ASIC2: variants seen among roughly 807,000 people sequenced by gnomAD.
ASIC2 encodes acid-sensing ion channel 2.
Under a neutral mutation model 57.3 loss-of-function variants are expected in ASIC2, and 25 were observed. That is an observed-to-expected ratio of 0.44 (90% CI 0.32 to 0.61). The LOEUF (loss-of-function observed/expected upper bound fraction) is 0.61, where lower values mean the gene tolerates loss of function less well. Among genes scored for constraint, ASIC2 ranks in the 20% least tolerant of loss-of-function variants. The pLI, the probability that ASIC2 is intolerant of heterozygous loss-of-function variation, is 0.06. For missense variants in ASIC2, 641 were observed against 738.1 expected (o/e 0.87, Z 1.52); for synonymous variants, 319 against 307.5 (o/e 1.04, Z -0.39).
intron 1 of ASIC2, among the ~76,000 whole-genome samples, chr17:33,175,924 G>C (rs548055502): frequency 6.6e-6 from 1 of 152,236 alleles, no homozygotes; most frequent in African/African-American, 2.4e-5. Context: ...ACTGTTCTCT[G>C]TGAAAAGCCT....
intron 1 of ASIC2, among the ~76,000 whole-genome samples, chr17:34,096,235 C>T (rs372561642): frequency 4.6e-5 from 7 of 152,092 alleles, no homozygotes; most frequent in South Asian, 2.1e-4. Context: ...ATTTCTAAGC[C>T]GTAACTTGAA....
At chr17:34,083,730 G>A (rs1258825295) in intron 1 of ASIC2, among the ~76,000 whole-genome samples, 1 of 152,230 alleles carries the variant, frequency 6.6e-6, no homozygotes, top group Non-Finnish European at 1.5e-5. Flanking sequence ...GGTGTAAGAT[G>A]ATATCCCATT....
chr17:34,080,970 C>G (rs1909856426), intron 1 of ASIC2: 2 of 152,174 alleles, frequency 1.3e-5, no homozygotes, highest in African/African-American at 4.8e-5. Context: ...AGTGAAGACT[C>G]CCTTCTTCTA....
intron 1 of ASIC2, among the ~76,000 whole-genome samples, chr17:33,827,337 C>CTTTTTTTATTTTTTTTTTTTTTTTTT (rs1912954820): frequency 1.3e-5 from 1 of 76,536 alleles, no homozygotes; most frequent in Non-Finnish European, 2.6e-5. Flanking sequence ...GCAGCTCACT[C>CTTTTTTTATTTTTTTTTTTTTTTTTT]TTTTTTTTTT....
At chr17:33,077,335 C>T (rs201948679) in intron 3 of ASIC2, among the ~76,000 whole-genome samples, 6 of 152,104 alleles carry the variant, frequency 3.9e-5, no homozygotes, top group East Asian at 1.9e-4. Context: ...GGGTTTGGAG[C>T]AATTGATGAA....
intron 1 of ASIC2, among the ~76,000 whole-genome samples, chr17:33,985,589 G>A (rs916072393): frequency 6.6e-6 from 1 of 152,200 alleles, no homozygotes. Context: ...TAAGTTTAAC[G>A]AGTATCTGAA....
chr17:34,030,825 C>T (rs1414388732), intron 1 of ASIC2, among the ~76,000 whole-genome samples: 1 of 152,206 alleles, frequency 6.6e-6, no homozygotes, highest in Non-Finnish European at 1.5e-5. Context: ...CCCGCAATTG[C>T]CCAGTTAGTT....
At chr17:33,016,717 C>G (rs1294845130) in intron 8 of ASIC2, among the ~76,000 whole-genome samples, 1 of 152,094 alleles carries the variant, frequency 6.6e-6, no homozygotes, top group Non-Finnish European at 1.5e-5. Flanking sequence ...TGGTCATGAA[C>G]AGCCCCCTCC....
chr17:34,007,977 C>T (rs1040424066), intron 1 of ASIC2, among the ~76,000 whole-genome samples: 1 of 152,198 alleles, frequency 6.6e-6, no homozygotes, highest in African/African-American at 2.4e-5. Context: ...ATTTTTCAAT[C>T]ACTCAGTTTC....
chr17:33,136,593 G>A (rs929260827), intron 1 of ASIC2, among the ~76,000 whole-genome samples: 5 of 152,230 alleles, frequency 3.3e-5, no homozygotes, highest in Non-Finnish European at 5.9e-5. Context: ...TGATTTGTGT[G>A]TGTGTGAGTT....
intron 1 of ASIC2, among the ~76,000 whole-genome samples, chr17:33,746,950 A>G (rs1910286061): frequency 6.6e-6 from 1 of 152,210 alleles, no homozygotes; most frequent in Non-Finnish European, 1.5e-5. Context: ...AAATGAATGA[A>G]TGAGAAAATA....
chr17:33,697,722 C>G (rs1377959952), intron 1 of ASIC2, among the ~76,000 whole-genome samples: 1 of 152,196 alleles, frequency 6.6e-6, no homozygotes, highest in Middle Eastern at 3.2e-3. Context: ...GACTGCTGCT[C>G]TTAAAGCCAC....
intron 1 of ASIC2, among the ~76,000 whole-genome samples, chr17:33,859,593 A>G (rs1315467696): frequency 6.6e-6 from 1 of 152,176 alleles, no homozygotes; most frequent in Non-Finnish European, 1.5e-5. Context: ...AGGCAGAGTG[A>G]GTGGAGAAGG....
chr17:33,390,662 C>T (rs767913632), intron 1 of ASIC2, among the ~76,000 whole-genome samples: 6 of 152,266 alleles, frequency 3.9e-5, no homozygotes, highest in Middle Eastern at 3.4e-3. Context: ...AATCCTCACT[C>T]GGCTGGGAGC....
intron 1 of ASIC2, among the ~76,000 whole-genome samples, chr17:33,612,686 C>T (rs1292516541): frequency 6.6e-6 from 1 of 152,166 alleles, no homozygotes; most frequent in Non-Finnish European, 1.5e-5. Flanking sequence ...TCCCCTTTAC[C>T]CACTTACACA....
At chr17:33,141,504 C>T (rs559898825) in intron 1 of ASIC2, among the ~76,000 whole-genome samples, 7 of 152,196 alleles carry the variant, frequency 4.6e-5, no homozygotes, top group Non-Finnish European at 1.0e-4. Flanking sequence ...TTCCTTCAAG[C>T]ACAGAGCAAA....
chr17:33,017,370 C>T, intron 8 of ASIC2, among the ~76,000 whole-genome samples: 1 of 151,942 alleles, frequency 6.6e-6, no homozygotes, highest in African/African-American at 2.4e-5. Flanking sequence ...CAGTGCTGTT[C>T]CAGCTCCCAG....
At chr17:33,883,444 T>G in intron 1 of ASIC2, among the ~76,000 whole-genome samples, 1 of 152,164 alleles carries the variant, frequency 6.6e-6, no homozygotes, top group Non-Finnish European at 1.5e-5. Context: ...AGTTAGAAGA[T>G]TGAGTCAAAG....
chr17:33,812,395 TC>T (rs1567722776), intron 1 of ASIC2, among the ~76,000 whole-genome samples: 1 of 152,142 alleles, frequency 6.6e-6, no homozygotes, highest in Non-Finnish European at 1.5e-5. Flanking sequence ...TTGTCATTTT[TC>T]CCCTGCCTGT....
Sources: gnomAD v4.1 joint callset for allele counts (sites outside exome capture counted in the v4.1 genomes callset) on GRCh38, gnomAD v4.1.1 for gene constraint, MANE v1.5 for transcripts, NCBI Gene and HGNC (gene_info 2026-07-23, HGNC 2026-07-21) for gene names.